Variants in ZFPM2 observed in about 807,000 individuals in gnomAD.
ZFPM2 encodes zinc finger protein, FOG family member 2.
Under a neutral mutation model 98.6 loss-of-function variants are expected in ZFPM2, and 20 were observed. That is an observed-to-expected ratio of 0.20 (90% CI 0.14 to 0.29). The LOEUF is 0.29. Among genes scored for constraint, ZFPM2 ranks in the 10% least tolerant of loss-of-function variants. The pLI, the probability that ZFPM2 is intolerant of heterozygous loss-of-function variation, is 1.00. For missense variants in ZFPM2, 1,310 were observed against 1,388.6 expected (o/e 0.94, Z 0.90); for synonymous variants, 518 against 502.7 (o/e 1.03, Z -0.41).
At chr8:105,625,106 T>C (rs1452605430) in intron 4 of ZFPM2, among the ~76,000 whole-genome samples, 3 of 152,194 alleles carry the variant, frequency 2.0e-5, no homozygotes, top group Non-Finnish European at 4.4e-5. Context: ...AAATCTATTC[T>C]GTGCCTAATT....
At chr8:105,599,484 G>C (rs1448965631) in intron 4 of ZFPM2, among the ~76,000 whole-genome samples, 1 of 151,486 alleles carries the variant, frequency 6.6e-6, no homozygotes, top group Non-Finnish European at 1.5e-5. Flanking sequence ...TCATTAGCTC[G>C]TTGTGTACAT....
intron 2 of ZFPM2, 47 bp from the exon 3 acceptor site, chr8:105,444,233 G>A (rs756883684): frequency 6.9e-7 from 1 of 1,458,826 alleles, no homozygotes; most frequent in African/African-American, 1.4e-5. Flanking sequence ...ATGTGAAAGA[G>A]AGAGCTTTGC....
Position 105,803,725 on chromosome 8 carries a change from C to CA in ZFPM2, c.*194dup, listed in dbSNP as rs1356364575. 19 of 582,166 alleles carry CA rather than the reference C, an allele frequency of 3.3e-5. 2 individuals carry two copies. The highest frequency in any genetic ancestry group is 9.4e-5 in the African/African-American group (5 of 53,228). The allele number at this position is 582,166 out of a possible 1,614,324, so 36.1% of individuals were successfully genotyped here. Reference sequence around the variant, plus strand: ...TAAAGTGTATTATTGGTGCCATTTTCAAAAAAATTAATTTATTTTACCAGC... The same window carrying CA: ...TAAAGTGTATTATTGGTGCCATTTTCAAAAAAAATTAATTTATTTTACCAGC... On this transcript the variant is annotated 3_prime_UTR_variant, in exon 8 of 8. Coordinates refer to ENST00000407775, the MANE Select transcript of ZFPM2 (RefSeq NM_012082.4).
At chr8:105,658,537 C>T (rs1410429494) in intron 5 of ZFPM2, among the ~76,000 whole-genome samples, 1 of 36,154 alleles carries the variant, frequency 2.8e-5, no homozygotes, top group Admixed American at 3.3e-4. Flanking sequence ...TGCAGTGAGC[C>T]GAGATTGCGC....
intron 5 of ZFPM2, among the ~76,000 whole-genome samples, chr8:105,666,652 T>C (rs923004989): frequency 6.6e-6 from 1 of 152,212 alleles, no homozygotes; most frequent in African/African-American, 2.4e-5. Flanking sequence ...AATATTATCA[T>C]AATATTACTA....
chr8:105,654,974 T>G (rs1372619), intron 5 of ZFPM2, among the ~76,000 whole-genome samples: 72,566 of 151,924 alleles, frequency 0.48, 17,630 homozygotes, highest in African/African-American at 0.57. Context: ...TGAAGCCAAA[T>G]AATTTTGTTT....
chr8:105,713,839 A>C (rs1045188978), intron 5 of ZFPM2, among the ~76,000 whole-genome samples: 1 of 152,064 alleles, frequency 6.6e-6, no homozygotes, highest in African/African-American at 2.4e-5. Context: ...TACCAGTATC[A>C]TGCTGTTTTG....
intron 5 of ZFPM2, among the ~76,000 whole-genome samples, chr8:105,668,639 A>G (rs937044721): frequency 9.8e-5 from 15 of 152,326 alleles, no homozygotes; most frequent in African/African-American, 3.6e-4. Context: ...AGGTTTTAAA[A>G]TGTGCAGAAG....
intron 4 of ZFPM2, among the ~76,000 whole-genome samples, chr8:105,607,691 C>T (rs118066308): frequency 2.0e-5 from 3 of 152,214 alleles, no homozygotes; most frequent in Admixed American, 6.6e-5. Flanking sequence ...GTCCACTCCA[C>T]TCTTTCCCAG....
chr8:105,533,917 CTTCT>C (rs1814361103), intron 3 of ZFPM2, among the ~76,000 whole-genome samples: 1 of 16,370 alleles, frequency 6.1e-5, no homozygotes, highest in Non-Finnish European at 1.0e-4. Flanking sequence ...CCTTCCCTCC[CTTCT>C]TCCTTTCTCC....
chr8:105,448,347 T>C (rs546366432), intron 3 of ZFPM2, among the ~76,000 whole-genome samples: 97 of 152,190 alleles, frequency 6.4e-4, no homozygotes, highest in African/African-American at 2.3e-3. Context: ...TCTTTTCTTT[T>C]CTTTGATTGT....
At position 105,679,287 on chromosome 8, in the gene ZFPM2, A is replaced by G. The variant is rs544961426; in HGVS notation, c.532+44930A>G. On this transcript the variant is annotated intron_variant, in intron 5 of 7. Coordinates refer to ENST00000407775, the MANE Select transcript of ZFPM2 (RefSeq NM_012082.4). ...GTTTCCTAATCCCACATGGCAACAA[A>G]TGATTGTGAAGTAGCCCCTTCCCAT... Among the ~76,000 whole-genome samples, 3 of 152,304 alleles carry G rather than the reference A, an allele frequency of 2.0e-5. No individual in the cohort carries two copies. In the South Asian group the frequency reaches 6.2e-4, roughly 32 times the overall value.
intron 3 of ZFPM2, among the ~76,000 whole-genome samples, chr8:105,512,128 G>C (rs1813830159): frequency 6.6e-6 from 1 of 152,152 alleles, no homozygotes; most frequent in Non-Finnish European, 1.5e-5. Flanking sequence ...CTGGGCCACA[G>C]AGCAAGACTC....
chr8:105,762,577 A>G (rs1174794593), intron 5 of ZFPM2, among the ~76,000 whole-genome samples: 2 of 152,138 alleles, frequency 1.3e-5, no homozygotes, highest in South Asian at 2.1e-4. Context: ...CCAAGAGACC[A>G]GTATGTGCAT....
intron 5 of ZFPM2, among the ~76,000 whole-genome samples, chr8:105,674,746 A>G (rs1055452806): frequency 1.4e-4 from 21 of 152,138 alleles, no homozygotes; most frequent in Non-Finnish European, 2.1e-4. Flanking sequence ...CAAGAAGAGG[A>G]TATAAAATGA....
At chr8:105,591,589 TG>T (rs1563733697) in intron 4 of ZFPM2, among the ~76,000 whole-genome samples, 1 of 152,190 alleles carries the variant, frequency 6.6e-6, no homozygotes, top group African/African-American at 2.4e-5. Flanking sequence ...TTTAAAGACT[TG>T]TTTTTTTAAT....
Position 105,568,317 on chromosome 8 carries a change from T to G in ZFPM2, c.420+6836T>G, listed in dbSNP as rs184993544. On this transcript the variant is annotated intron_variant, in intron 4 of 7. Coordinates refer to ENST00000407775, the MANE Select transcript of ZFPM2 (RefSeq NM_012082.4). ...CTTTTCCATGACTTCCAGCTTTCAG[T>G]CACCTTTAATCCTAGTCCTCTGCCT... is the stretch of plus-strand genomic sequence containing the variant. Among the ~76,000 whole-genome samples the G allele has an allele frequency of 4.6e-4, 70 of 152,220 alleles. 1 individual carries two copies. Among genetic ancestry groups the G allele is most frequent in the African/African-American group, 1.7e-3 (70 of 41,538 alleles).
chr8:105,670,510 A>AG (rs1410012548), intron 5 of ZFPM2, among the ~76,000 whole-genome samples: 1 of 151,028 alleles, frequency 6.6e-6, no homozygotes, highest in Non-Finnish European at 1.5e-5. Context: ...AAAAAAAAAA[A>AG]AAAAAAAAAG....
At chr8:105,701,269 G>C (rs1351314821) in intron 5 of ZFPM2, among the ~76,000 whole-genome samples, 1 of 152,142 alleles carries the variant, frequency 6.6e-6, no homozygotes, top group African/African-American at 2.4e-5. Flanking sequence ...TTTCTGAAAT[G>C]CTATTATAAA....
Sources: gnomAD v4.1 joint callset for allele counts (sites outside exome capture counted in the v4.1 genomes callset) on GRCh38, gnomAD v4.1.1 for gene constraint, MANE v1.5 for transcripts, NCBI Gene and HGNC (gene_info 2026-07-23, HGNC 2026-07-21) for gene names.